PHKG2: variants seen among roughly 807,000 people sequenced by gnomAD.
PHKG2 encodes the protein phosphorylase b kinase gamma catalytic chain, liver/testis isoform.
In PHKG2, 28 loss-of-function variants were observed where a neutral mutation model predicts 44.5. The observed-to-expected ratio is 0.63, with a 90% CI of 0.47 to 0.86. PHKG2 has a LOEUF of 0.86. Among genes scored for constraint, PHKG2 ranks in the 40% least tolerant of loss-of-function variants. PHKG2 has a pLI of 0.00. For synonymous variants in PHKG2, 220 were observed against 211.2 expected, an observed-to-expected ratio of 1.04 and a Z score of -0.36; for missense variants, 498 against 547.5, an observed-to-expected ratio of 0.91 and a Z score of 0.90.
At chr16:30,751,887 A>G in intron 4 of PHKG2, 1 of 412,640 alleles carries the variant, frequency 2.4e-6, no homozygotes, top group Non-Finnish European at 4.6e-6. Flanking sequence ...AGGTCAGGAG[A>G]TCGAGACCAT....
intron 2 of PHKG2, 60 bp downstream of exon 2, chr16:30,748,975 C>A: frequency 9.1e-7 from 1 of 1,094,136 alleles, no homozygotes; most frequent in South Asian, 1.3e-5. Flanking sequence ...ATTCCCGCTT[C>A]CGTTTGAAGG....
In PHKG2 at chr16:30,758,993, G is replaced by C. The variant is rs2053556296; in HGVS notation, c.*1896G>C. The C allele has an allele frequency of 6.2e-7, 1 of 1,613,944 alleles. No individual in the cohort carries two copies. Among genetic ancestry groups the C allele is most frequent in the South Asian group, 1.1e-5 (1 of 91,082 alleles). On this transcript the variant is annotated 3_prime_UTR_variant, in exon 10 of 10. Transcript: ENST00000563588. ...CCTGCTCAGAGGGACAGGGCAGCCTGCCCTCTCCAGATCCTCACTTGGCTC... is the reference window on the plus strand; with the variant it reads ...CCTGCTCAGAGGGACAGGGCAGCCTCCCCTCTCCAGATCCTCACTTGGCTC...
In PHKG2 at chr16:30,758,489, T is replaced by C. The variant is rs182864479; in HGVS notation, c.*1392T>C. 2 of 185,026 alleles carry C rather than the reference T, an allele frequency of 1.1e-5. No homozygotes were observed. Among genetic ancestry groups the C allele is most frequent in the African/African-American group, 2.4e-5 (1 of 41,984 alleles). 11.5% of individuals were successfully genotyped at this position (185,026 alleles called of 1,614,324 possible). A position where few individuals can be genotyped will look rare whatever the true frequency, so the allele number is the denominator to read the frequency against. On this transcript the variant is annotated 3_prime_UTR_variant, in exon 10 of 10. Transcript: ENST00000563588. ...TTACCCATCAACCCATCATATAGGTTTTAAGCCACCGTCATTGGCTTTCTA... is the reference window on the plus strand; with the variant it reads ...TTACCCATCAACCCATCATATAGGTCTTAAGCCACCGTCATTGGCTTTCTA...
Position 30,756,434 on chromosome 16 carries a change from A to T in PHKG2, c.715A>T (p.Ile239Phe). Residue 239 changes from isoleucine to phenylalanine, a missense_variant, in exon 8 of 10, where the codon ATC (isoleucine) becomes TTC (phenylalanine). Physicochemically the swap from Ile to Phe is conservative, Grantham distance 21. Coordinates refer to ENST00000563588, the MANE Select transcript of PHKG2 (RefSeq NM_000294.3). ...GSPPFWHRRQILMLRMIMEGQ... is the reference protein window; with the variant it reads ...GSPPFWHRRQFLMLRMIMEGQ... ...GCCACCCTTCTGGCACCGGCGGCAG[A>T]TCCTGATGTTACGCATGATCATGGA... The T allele has an allele frequency of 1.2e-6, 2 of 1,613,920 alleles. No individual in the cohort carries two copies. The highest frequency in any genetic ancestry group is 1.7e-6 in the Non-Finnish European group (2 of 1,180,006).
Position 30,753,375 on chromosome 16 carries a change from C to T in PHKG2, c.393-19C>T, listed in dbSNP as rs1596683193. 4 of 1,613,990 alleles carry T rather than the reference C, an allele frequency of 2.5e-6. No individual in the cohort carries two copies. The highest frequency in any genetic ancestry group is 3.4e-6 in the Non-Finnish European group (4 of 1,179,930). ...GGAGGAGCCGAGGAGGAGACTGCACCCGCCTCCCCTTCCCCCAGGTCCATC... is the reference window on the plus strand; with the variant it reads ...GGAGGAGCCGAGGAGGAGACTGCACTCGCCTCCCCTTCCCCCAGGTCCATC... On this transcript the variant is annotated intron_variant, in intron 5 of 9. Transcript: ENST00000563588.
intron 6 of PHKG2, chr16:30,755,033 G>T (rs1212700146): frequency 7.4e-6 from 3 of 406,200 alleles, no homozygotes; most frequent in Non-Finnish European, 1.5e-5. Context: ...ATGGAACAAG[G>T]TTCAGAAAGT....
chr16:30,750,231 G>A (rs544387057), intron 2 of PHKG2, among the ~76,000 whole-genome samples: 1 of 152,220 alleles, frequency 6.6e-6, no homozygotes, highest in South Asian at 2.1e-4. Context: ...AAATTGCACC[G>A]GCCAAAACGT....
In PHKG2 at chr16:30,758,539, C is replaced by T; in HGVS notation, c.*1442C>T. 4.8e-6 allele frequency: 1 copy of T among 208,714 alleles called. No homozygotes were observed. The highest frequency in any genetic ancestry group is 9.7e-6 in the Non-Finnish European group (1 of 102,776). 12.9% of individuals were successfully genotyped at this position (208,714 alleles called of 1,614,324 possible). A position where few individuals can be genotyped will look rare whatever the true frequency, so the allele number is the denominator to read the frequency against. On this transcript the variant is annotated 3_prime_UTR_variant, in exon 10 of 10. Coordinates refer to ENST00000563588, the MANE Select transcript of PHKG2 (RefSeq NM_000294.3). The stretch of plus-strand genomic sequence containing the variant: ...AATGATCATTTCTCTGGAGCCACTT[C>T]AGCTGTGCTTTTTGTTTGTTTGTTT...
chr16:30,758,869 T>C lies in PHKG2; in HGVS notation c.*1772T>C. The C allele has an allele frequency of 7.2e-7, 1 of 1,389,116 alleles. No homozygotes were observed. Among genetic ancestry groups the C allele is most frequent in the South Asian group, 1.4e-5 (1 of 70,364 alleles). 86.0% of individuals were successfully genotyped at this position (1,389,116 alleles called of 1,614,324 possible). Reference sequence around the variant, plus strand: ...TGGCCTGCAGCTGTGCTTTTATCTGTCATCTTGGACTTCTGCATAAGGGAT... The same window carrying C: ...TGGCCTGCAGCTGTGCTTTTATCTGCCATCTTGGACTTCTGCATAAGGGAT... On this transcript the variant is annotated 3_prime_UTR_variant, in exon 10 of 10. Coordinates refer to ENST00000563588, the MANE Select transcript of PHKG2 (RefSeq NM_000294.3).
chr16:30,752,973 ACCT>A, intron 4 of PHKG2: 1 of 545,774 alleles, frequency 1.8e-6, no homozygotes, highest in Non-Finnish European at 3.3e-6. Context: ...CTCAACAAGA[ACCT>A]CCTATAAATT....
chr16:30,749,351 T>C (rs1039573251), intron 2 of PHKG2, among the ~76,000 whole-genome samples: 1 of 152,096 alleles, frequency 6.6e-6, no homozygotes, highest in Non-Finnish European at 1.5e-5. Flanking sequence ...TTTGTTTGTT[T>C]GTTTGTTTGT....
In PHKG2 at chr16:30,760,375, G is replaced by GT; in HGVS notation, c.*3279dup. The GT allele has an allele frequency of 6.2e-7, 1 of 1,614,228 alleles. No individual in the cohort carries two copies. The highest frequency in any genetic ancestry group is 1.1e-5 in the South Asian group (1 of 91,090). ...CCTGCTGGCGGCAGAAAATGAGCGCGTGGCAGAAGAGGTCCAGGGTGATGG... is the reference window on the plus strand; with the variant it reads ...CCTGCTGGCGGCAGAAAATGAGCGCGTTGGCAGAAGAGGTCCAGGGTGATGG... On this transcript the variant is annotated 3_prime_UTR_variant, in exon 10 of 10. Coordinates refer to ENST00000563588, the MANE Select transcript of PHKG2 (RefSeq NM_000294.3).
intron 4 of PHKG2, chr16:30,752,686 C>G (rs971984465): frequency 6.2e-6 from 1 of 161,244 alleles, no homozygotes; most frequent in Admixed American, 6.1e-5. Context: ...TCAGAGGGGA[C>G]GTAAGGATGT....
chr16:30,759,827 T>G lies in PHKG2; in HGVS notation c.*2730T>G, dbSNP rs2053620586. 2 of 1,498,592 alleles carry G rather than the reference T, an allele frequency of 1.3e-6. No individual in the cohort carries two copies. The highest frequency in any genetic ancestry group is 2.8e-5 in the South Asian group (2 of 72,378). The allele number at this position is 1,498,592 out of a possible 1,614,324, so 92.8% of individuals were successfully genotyped here. A position where few individuals can be genotyped will look rare whatever the true frequency, so the allele number is the denominator to read the frequency against. On this transcript the variant is annotated 3_prime_UTR_variant, in exon 10 of 10. Transcript: ENST00000563588. ...ACCATGAGCTTCAGAAGCAGACAGA[T>G]CTGGGTTTCAGCACTGGCTTGTTTC...
rs754624847 is a variant in PHKG2, at chr16:30,759,494, C to G, written c.*2397C>G. The G allele has an allele frequency of 1.9e-6, 3 of 1,614,212 alleles. No individual in the cohort carries two copies. Among genetic ancestry groups the G allele is most frequent in the Non-Finnish European group, 2.5e-6 (3 of 1,180,038 alleles). ...GACTCGGAATTAGAACCCTGACTACCTTCCGGAGCCCTGGCTTTGCCTCCA... is the reference window on the plus strand; with the variant it reads ...GACTCGGAATTAGAACCCTGACTACGTTCCGGAGCCCTGGCTTTGCCTCCA... On this transcript the variant is annotated 3_prime_UTR_variant, in exon 10 of 10. Transcript: ENST00000563588.
intron 6 of PHKG2, among the ~76,000 whole-genome samples, chr16:30,755,772 AG>A (rs34089993): frequency 0.021 from 3,254 of 152,302 alleles, 58 homozygotes; most frequent in Non-Finnish European, 0.033. Context: ...TTGGGCAGAT[AG>A]GAATGCAGAA....
chr16:30,760,929 C>A lies in PHKG2; in HGVS notation c.*3832C>A, dbSNP rs2053730059. The A allele has an allele frequency of 3.3e-6, 2 of 610,412 alleles. No individual in the cohort carries two copies. Among genetic ancestry groups the A allele is most frequent in the Admixed American group, 5.8e-5 (2 of 34,484 alleles). 37.8% of individuals were successfully genotyped at this position (610,412 alleles called of 1,614,324 possible). A position where few individuals can be genotyped will look rare whatever the true frequency, so the allele number is the denominator to read the frequency against. On this transcript the variant is annotated 3_prime_UTR_variant, in exon 10 of 10. Coordinates refer to ENST00000563588, the MANE Select transcript of PHKG2 (RefSeq NM_000294.3). ...CCTTGTATGACCTTGGTCAAGTACTCCCTGTGGCCCTCAGTGTCCCCCTCT... is the reference window on the plus strand; with the variant it reads ...CCTTGTATGACCTTGGTCAAGTACTACCTGTGGCCCTCAGTGTCCCCCTCT...
chr16:30,748,697 G>C (rs1353455542), intron 1 of PHKG2, 106 bp from the exon 2 acceptor site: 32 of 61,160 alleles, frequency 5.2e-4, no homozygotes, highest in Middle Eastern at 7.4e-3. Flanking sequence ...CACCCCCCAG[G>C]ACCCTGGCGC....
At chr16:30,748,526 C>G in intron 1 of PHKG2, 36 bp downstream of exon 1, 1 of 504,392 alleles carries the variant, frequency 2.0e-6, no homozygotes. Context: ...CCTTCCTGCG[C>G]CCGCCCGAAT....
Sources: allele counts gnomAD v4.1 joint callset (sites outside exome capture counted in the v4.1 genomes callset), GRCh38; gene constraint gnomAD v4.1.1; transcripts MANE v1.5; gene names NCBI Gene and HGNC (gene_info 2026-07-23, HGNC 2026-07-21).